The following GARRE1 variants were observed in gnomAD, a reference collection of about 807,000 sequenced individuals.
The protein encoded by GARRE1 is granule associated Rac and RHOG effector protein 1.
A neutral mutation model predicts 103.2 loss-of-function variants in GARRE1; 49 were observed. That is an observed-to-expected ratio of 0.47 (90% CI 0.38 to 0.60). The LOEUF is 0.60. GARRE1 is among the 20% of genes least tolerant of loss of function. The pLI is 0.00. For missense variants in GARRE1, 1,199 were observed against 1,370.5 expected, an observed-to-expected ratio of 0.87 and a Z score of 1.98; for synonymous variants, 505 against 532.8, an observed-to-expected ratio of 0.95 and a Z score of 0.72.
intron 10 of GARRE1, among the ~76,000 whole-genome samples, chr19:34,343,616 G>A (rs2074197111): frequency 1.3e-5 from 2 of 152,252 alleles, no homozygotes; most frequent in East Asian, 1.9e-4. Context: ...GAAGGCTGAG[G>A]TAGGCAGATT....
rs2074252389 is a variant in GARRE1, at chr19:34,353,524, C to T, written c.*569C>T. On this transcript the variant is annotated 3_prime_UTR_variant, in exon 14 of 14. Transcript: ENST00000299505. ...TGGCTGGAGGTTTGTTTAACACTAT[C>T]TATATTTAAGCTTATACAAAATGGG... is the stretch of plus-strand genomic sequence containing the variant. The T allele has an allele frequency of 6.5e-6, 1 of 152,902 alleles. No individual in the cohort carries two copies. Among genetic ancestry groups the T allele is most frequent in the African/African-American group, 2.4e-5 (1 of 41,454 alleles). 9.5% of individuals were successfully genotyped at this position (152,902 alleles called of 1,614,324 possible).
intron 2 of GARRE1, among the ~76,000 whole-genome samples, chr19:34,302,266 A>G (rs1022118744): frequency 1.4e-4 from 21 of 146,662 alleles, no homozygotes; most frequent in African/African-American, 4.8e-4. Context: ...TGCTGGGATT[A>G]CAGGCAGGAG....
chr19:34,297,273 G>A (rs1358425065), intron 1 of GARRE1, among the ~76,000 whole-genome samples: 1 of 151,862 alleles, frequency 6.6e-6, no homozygotes, highest in African/African-American at 2.4e-5. Flanking sequence ...GGGCGACAGA[G>A]CACAACTCTG....
chr19:34,268,467 A>T (rs1451810406), intron 1 of GARRE1, among the ~76,000 whole-genome samples: 5 of 151,990 alleles, frequency 3.3e-5, no homozygotes, highest in Non-Finnish European at 7.4e-5. Flanking sequence ...CAAGAGTTCT[A>T]ATACTAGTTT....
At chr19:34,266,181 G>A (rs2073750116) in intron 1 of GARRE1, among the ~76,000 whole-genome samples, 1 of 152,350 alleles carries the variant, frequency 6.6e-6, no homozygotes, top group African/African-American at 2.4e-5. Context: ...AAGGCTCATG[G>A]CGCAGATAAG....
intron 1 of GARRE1, among the ~76,000 whole-genome samples, chr19:34,298,781 G>C (rs1045495693): frequency 6.6e-6 from 1 of 152,148 alleles, no homozygotes; most frequent in Non-Finnish European, 1.5e-5. Context: ...ACTTTTGTTT[G>C]GGAGAGCAGA....
chr19:34,307,290 C>T (rs2074011388), intron 2 of GARRE1, among the ~76,000 whole-genome samples: 1 of 152,028 alleles, frequency 6.6e-6, no homozygotes, highest in African/African-American at 2.4e-5. Flanking sequence ...GCCACTTCTC[C>T]CCTTGCCTTC....
chr19:34,327,538 A>C lies in GARRE1; in HGVS notation c.823A>C (p.Ile275Leu), dbSNP rs149327354. The C allele has an allele frequency of 9.9e-6, 16 of 1,613,926 alleles. No individual in the cohort carries two copies. The African/African-American group carries it at 1.3e-4, about 13-fold the overall frequency. The change falls in exon 4 of 14, where the codon ATA (isoleucine) becomes CTA (leucine). Residue 275 changes from isoleucine to leucine, a missense_variant. By Grantham distance (5) the Ile-to-Leu change is conservative. Coordinates refer to ENST00000299505, the MANE Select transcript of GARRE1 (RefSeq NM_014686.5). Reference protein sequence around the residue: ...IPEHQLKELNIKIDSALQAYK... With the variant: ...IPEHQLKELNLKIDSALQAYK... Reference sequence around the variant, plus strand: ...TGAGCACCAGCTAAAAGAACTGAACATAAAAATCGACAGTGCTTTGCAAGT... The same window carrying C: ...TGAGCACCAGCTAAAAGAACTGAACCTAAAAATCGACAGTGCTTTGCAAGT...
At chr19:34,345,455 A>G (rs960863817) in intron 10 of GARRE1, among the ~76,000 whole-genome samples, 5 of 152,220 alleles carry the variant, frequency 3.3e-5, no homozygotes, top group African/African-American at 1.2e-4. Context: ...TCAGTTGATC[A>G]TAGATGGTGT....
intron 11 of GARRE1, 97 bp from the exon 12 acceptor site, chr19:34,348,919 T>C (rs999546848): frequency 8.6e-6 from 12 of 1,402,000 alleles, no homozygotes; most frequent in Non-Finnish European, 1.2e-5. Flanking sequence ...TATTTGGTTA[T>C]GGGATGAATG....
At chr19:34,325,117 A>C (rs934312857) in intron 3 of GARRE1, among the ~76,000 whole-genome samples, 1 of 152,140 alleles carries the variant, frequency 6.6e-6, no homozygotes, top group African/African-American at 2.4e-5. Flanking sequence ...TGTGACATCC[A>C]AGAACCAACC....
chr19:34,297,515 C>T (rs576953739), intron 1 of GARRE1, among the ~76,000 whole-genome samples: 459 of 152,162 alleles, frequency 3.0e-3, no homozygotes, highest in Non-Finnish European at 5.0e-3. Flanking sequence ...CAGAGGCAGC[C>T]GCGGTAGAGG....
At position 34,271,340 on chromosome 19, in the gene GARRE1, C is replaced by T. The variant is rs1031557714; in HGVS notation, c.-796+16726C>T. Among the ~76,000 whole-genome samples the T allele has an allele frequency of 1.1e-4, 17 of 151,516 alleles. 1 individual carries two copies. The highest frequency in any genetic ancestry group is 1.1e-3 in the Admixed American group (16 of 15,188). On this transcript the variant is annotated intron_variant, in intron 1 of 13. Coordinates refer to ENST00000299505, the MANE Select transcript of GARRE1 (RefSeq NM_014686.5). Reference sequence around the variant, plus strand: ...CTTGGCTCACTGCAACCTCTGTCTCCCGGGTTCAAGCGATTCTCCTGTCTC... The same window carrying T: ...CTTGGCTCACTGCAACCTCTGTCTCTCGGGTTCAAGCGATTCTCCTGTCTC...
intron 1 of GARRE1, among the ~76,000 whole-genome samples, chr19:34,293,169 GCT>G (rs2073927448): frequency 6.6e-6 from 1 of 152,094 alleles, no homozygotes; most frequent in Non-Finnish European, 1.5e-5. Context: ...AGCTTAAGTT[GCT>G]CTCTAAACAG....
chr19:34,281,395 A>G (rs1004935625), intron 1 of GARRE1, among the ~76,000 whole-genome samples: 1 of 152,064 alleles, frequency 6.6e-6, no homozygotes, highest in South Asian at 2.1e-4. Flanking sequence ...GGTTCAAGTG[A>G]TTTTCCTGCC....
In GARRE1 at chr19:34,341,868, A is replaced by C. The variant is rs1338277975; in HGVS notation, c.1934A>C (p.Glu645Ala). 6.2e-7 allele frequency: 1 copy of C among 1,614,070 alleles called. No individual in the cohort carries two copies. The highest frequency in any genetic ancestry group is 1.3e-5 in the African/African-American group (1 of 74,910). ...EKGMNLPTDQ[E>A]MQEVIDFLSG... ...GGTATGAACTTACCAACTGATCAGG[A>C]AATGCAAGAGGTGATAGATTTTCTC... The change falls in exon 10 of 14, where the codon GAA becomes GCA. Residue 645 changes from glutamate to alanine, a missense_variant. Physicochemically the swap from Glu to Ala is moderately radical, Grantham distance 107. Coordinates refer to ENST00000299505, the MANE Select transcript of GARRE1 (RefSeq NM_014686.5).
intron 1 of GARRE1, among the ~76,000 whole-genome samples, chr19:34,293,406 T>TTC (rs2073928692): frequency 6.6e-6 from 1 of 151,274 alleles, no homozygotes; most frequent in Admixed American, 6.6e-5. Context: ...TTGGAGCATT[T>TTC]TTTTTTTTTT....
At chr19:34,257,148 G>C (rs2073678357) in intron 1 of GARRE1, among the ~76,000 whole-genome samples, 1 of 122,728 alleles carries the variant, frequency 8.1e-6, no homozygotes, top group Non-Finnish European at 1.7e-5. Context: ...GGAAGACCAT[G>C]TTTTAAGCAT....
intron 9 of GARRE1, 46 bp from the exon 10 acceptor site, chr19:34,341,376 T>C (rs575814770): frequency 1.4e-6 from 2 of 1,466,288 alleles, no homozygotes; most frequent in South Asian, 2.5e-5. Flanking sequence ...TTTATTATTT[T>C]ATATATTTGT....
Sources: gnomAD v4.1 joint callset for allele counts (sites outside exome capture counted in the v4.1 genomes callset) on GRCh38, gnomAD v4.1.1 for gene constraint, MANE v1.5 for transcripts, NCBI Gene and HGNC (gene_info 2026-07-23, HGNC 2026-07-21) for gene names.